EXOC6B: variants seen among roughly 807,000 people sequenced by gnomAD.
EXOC6B encodes the protein exocyst complex component 6B.
A neutral mutation model predicts 113.5 loss-of-function variants in EXOC6B; 54 were observed. The ratio of observed to expected loss-of-function variants is 0.48; its 90% CI spans 0.38 to 0.60. The LOEUF is 0.60. Ranked by LOEUF, EXOC6B falls within the 20% of genes least tolerant of loss-of-function variation. The probability of loss-of-function intolerance (pLI) is 0.00; values close to 1 mark genes in which losing one functional copy is unlikely to be tolerated. For missense variants in EXOC6B, 797 were observed against 977.5 expected, an observed-to-expected ratio of 0.82 and a Z score of 2.46; for synonymous variants, 357 against 339.0, an observed-to-expected ratio of 1.05 and a Z score of -0.58.
intron 6 of EXOC6B, among the ~76,000 whole-genome samples, chr2:72,660,199 A>G (rs1215717010): frequency 7.1e-6 from 1 of 140,298 alleles, no homozygotes; most frequent in Non-Finnish European, 1.6e-5. Context: ...AAAAAGCTGG[A>G]AAAAAAAAAA....
At chr2:72,554,095 C>G (rs1490700210) in intron 8 of EXOC6B, among the ~76,000 whole-genome samples, 2 of 152,040 alleles carry the variant, frequency 1.3e-5, no homozygotes, top group South Asian at 4.1e-4. Flanking sequence ...AGTGACAGAC[C>G]ATTCACATCA....
chr2:72,179,179 A>G lies in EXOC6B; in HGVS notation c.*156T>C. ...TGCTTATTCTTGTGCCTCTTTTACT[A>G]TAGGGAAATGTTATGTGAATACTGC... is the stretch of plus-strand genomic sequence containing the variant. On this transcript the variant is annotated 3_prime_UTR_variant, in exon 22 of 22. Transcript: ENST00000272427. 1.2e-6 allele frequency: 1 copy of G among 818,826 alleles called. No homozygotes were observed. The highest frequency in any genetic ancestry group is 2.2e-5 in the South Asian group (1 of 46,360). 50.7% of individuals were successfully genotyped at this position (818,826 alleles called of 1,614,324 possible).
intron 11 of EXOC6B, among the ~76,000 whole-genome samples, chr2:72,506,528 C>T (rs1181759019): frequency 6.6e-6 from 1 of 152,070 alleles, no homozygotes. Context: ...TACTTATTTC[C>T]CTTCGATTTA....
At chr2:72,500,412 A>G (rs1700253746) in intron 11 of EXOC6B, among the ~76,000 whole-genome samples, 1 of 152,200 alleles carries the variant, frequency 6.6e-6, no homozygotes, top group South Asian at 2.1e-4. Flanking sequence ...TGATGAAACT[A>G]TGGGGGAAAG....
chr2:72,352,697 TAAAAA>T (rs1032980789), intron 19 of EXOC6B, among the ~76,000 whole-genome samples: 1 of 143,206 alleles, frequency 7.0e-6, no homozygotes, highest in Non-Finnish European at 1.5e-5. Context: ...ATGTCTTACT[TAAAAA>T]AAAAAAGATA....
intron 20 of EXOC6B, among the ~76,000 whole-genome samples, chr2:72,189,387 T>C (rs567773284): frequency 1.0e-3 from 155 of 152,300 alleles, no homozygotes; most frequent in African/African-American, 3.7e-3. Context: ...CTCCTCAGGG[T>C]ATCACCTCTG....
chr2:72,453,023 A>T (rs1697001116), intron 18 of EXOC6B, among the ~76,000 whole-genome samples: 1 of 152,196 alleles, frequency 6.6e-6, no homozygotes. Flanking sequence ...CTACAGACCC[A>T]AACACCTTCC....
intron 8 of EXOC6B, among the ~76,000 whole-genome samples, chr2:72,550,171 A>G (rs1018497311): frequency 6.6e-6 from 1 of 151,706 alleles, no homozygotes; most frequent in African/African-American, 2.4e-5. Flanking sequence ...CAAAATAAGA[A>G]AAAAAAATTA....
Position 72,179,445 on chromosome 2 carries a change from G to A in EXOC6B, c.2326C>T (p.Arg776Cys), listed in dbSNP as rs760406183. ...TLLEKMKDTS[R>C]KNNMFAQFRK... The stretch of plus-strand genomic sequence containing the variant: ...AACTGTGCAAACATGTTGTTCTTGC[G>A]GCTAGTATCCTTCATCCTAAACAGA... Residue 776 changes from arginine (R) to cysteine (C), a missense_variant, in exon 22 of 22, where the codon CGC (arginine) becomes TGC (cysteine). Physicochemically the swap from Arg to Cys is radical, Grantham distance 180. Coordinates refer to ENST00000272427, the MANE Select transcript of EXOC6B (RefSeq NM_015189.3). 6.8e-6 allele frequency: 11 copies of A among 1,613,834 alleles called. No homozygotes were observed. The highest frequency in any genetic ancestry group is 1.7e-5 in the Admixed American group (1 of 60,008).
chr2:72,483,871 T>C (rs1303913960), intron 16 of EXOC6B, among the ~76,000 whole-genome samples: 5 of 152,226 alleles, frequency 3.3e-5, no homozygotes, highest in Non-Finnish European at 4.4e-5. Context: ...TCTCTTACAA[T>C]ATATAACACT....
At chr2:72,603,327 A>G (rs1670544555) in intron 6 of EXOC6B, among the ~76,000 whole-genome samples, 1 of 152,096 alleles carries the variant, frequency 6.6e-6, no homozygotes, top group Non-Finnish European at 1.5e-5. Context: ...CACTGAAGGG[A>G]TAGATGAAAC....
chr2:72,519,987 A>G (rs1701404490), intron 8 of EXOC6B, among the ~76,000 whole-genome samples: 2 of 152,228 alleles, frequency 1.3e-5, no homozygotes, highest in Admixed American at 1.3e-4. Context: ...ATAACTTTGA[A>G]CATCAACTAC....
chr2:72,641,170 G>C (rs1673197825), intron 6 of EXOC6B, among the ~76,000 whole-genome samples: 1 of 152,190 alleles, frequency 6.6e-6, no homozygotes, highest in African/African-American at 2.4e-5. Context: ...GGTGATTTTT[G>C]CATTTCCAAC....
intron 20 of EXOC6B, among the ~76,000 whole-genome samples, chr2:72,311,738 G>A (rs1212933754): frequency 6.6e-6 from 1 of 152,158 alleles, no homozygotes; most frequent in African/African-American, 2.4e-5. Flanking sequence ...ACAAACAGAT[G>A]TATATTTTCA....
rs547756306 is a variant in EXOC6B at position 72,272,577 on chromosome 2, T to C, written c.2196+62370A>G. Reference sequence around the variant, plus strand: ...TGGTGTGCCGTGTTTTCGTCTCCTATAAAACAGCATTTCTCACTGTTTATT... The same window carrying C: ...TGGTGTGCCGTGTTTTCGTCTCCTACAAAACAGCATTTCTCACTGTTTATT... On this transcript the variant is annotated intron_variant, in intron 20 of 21. Transcript: ENST00000272427. 2.0e-5 allele frequency among the ~76,000 whole-genome samples: 3 copies of C among 152,256 alleles called. No homozygotes were observed. The South Asian group carries it at 6.2e-4, about 32-fold the overall frequency.
intron 20 of EXOC6B, among the ~76,000 whole-genome samples, chr2:72,330,006 A>T (rs1173302409): frequency 6.6e-6 from 1 of 152,112 alleles, no homozygotes; most frequent in African/African-American, 2.4e-5. Flanking sequence ...ATATCTTGGG[A>T]TGGCTTGCTG....
intron 1 of EXOC6B, among the ~76,000 whole-genome samples, chr2:72,764,316 G>C (rs1025409228): frequency 4.1e-5 from 6 of 144,852 alleles, no homozygotes; most frequent in African/African-American, 1.3e-4. Flanking sequence ...AGATTATCTT[G>C]ATTCCCAACT....
Position 72,473,426 on chromosome 2 carries a change from T to C in EXOC6B, c.1800+7190A>G, listed in dbSNP as rs187940723. On this transcript the variant is annotated intron_variant, in intron 17 of 21. Transcript: ENST00000272427. ...CTAGATTGATCCCATTATCATTATA[T>C]AATGACCTTATTTGTCTTTTTCTTA... 8.2e-4 allele frequency among the ~76,000 whole-genome samples: 125 copies of C among 152,272 alleles called. 1 individual carries two copies. Among genetic ancestry groups the C allele is most frequent in the Non-Finnish European group, 4.9e-4 (33 of 67,966 alleles).
chr2:72,562,390 T>C (rs1439447654), intron 7 of EXOC6B, among the ~76,000 whole-genome samples: 1 of 152,126 alleles, frequency 6.6e-6, no homozygotes, highest in East Asian at 1.9e-4. Context: ...CCATTTAAAA[T>C]ACTAACTCTC....
Sources: allele counts gnomAD v4.1 joint callset (sites outside exome capture counted in the v4.1 genomes callset), GRCh38; gene constraint gnomAD v4.1.1; transcripts MANE v1.5; gene names NCBI Gene and HGNC (gene_info 2026-07-23, HGNC 2026-07-21).